Variants in ARK2N observed in about 807,000 individuals in gnomAD.
ARK2N encodes protein ARK2N.
the ARK2N span, among the ~76,000 whole-genome samples, chr18:46,210,934 C>G: frequency 6.7e-6 from 1 of 149,814 alleles, no homozygotes; most frequent in Non-Finnish European, 1.5e-5. Flanking sequence ...AAAGAACTCA[C>G]GTTGGTGGAT....
At chr18:46,216,567 C>T in the ARK2N span, 2 of 1,613,534 alleles carry the variant, frequency 1.2e-6, no homozygotes, top group South Asian at 1.1e-5. This position sits in a 1 kb window ranked among gnomAD's most constrained non-coding sequence, Gnocchi z 4.3. Flanking sequence ...TTTCAGGGAG[C>T]AGCAAGACAA....
chr18:46,206,749 C>T, the ARK2N span, among the ~76,000 whole-genome samples: 1 of 151,980 alleles, frequency 6.6e-6, no homozygotes, highest in Non-Finnish European at 1.5e-5. Flanking sequence ...TCTCTTCATT[C>T]TCCTCCTCTC....
the ARK2N span, among the ~76,000 whole-genome samples, chr18:46,228,456 T>C: frequency 6.6e-6 from 1 of 152,240 alleles, no homozygotes; most frequent in Non-Finnish European, 1.5e-5. Flanking sequence ...AGACAACTTA[T>C]TGCTAGTATT....
chr18:46,234,983 C>G, the ARK2N span, among the ~76,000 whole-genome samples: 1 of 152,014 alleles, frequency 6.6e-6, no homozygotes, highest in Non-Finnish European at 1.5e-5. Flanking sequence ...ATGTATTTGT[C>G]CATTGCCCCA....
chr18:46,199,990 C>T, the ARK2N span, among the ~76,000 whole-genome samples: 3 of 152,144 alleles, frequency 2.0e-5, no homozygotes, highest in South Asian at 4.1e-4. Flanking sequence ...CCACATCCAT[C>T]TTTCTGTCTC....
At chr18:46,241,491 G>A in the ARK2N span, among the ~76,000 whole-genome samples, 11 of 152,302 alleles carry the variant, frequency 7.2e-5, no homozygotes, top group African/African-American at 2.4e-4. Context: ...GGAGGCCGAC[G>A]TGGGAGGATC....
At chr18:46,233,667 C>G in the ARK2N span, among the ~76,000 whole-genome samples, 1 of 152,072 alleles carries the variant, frequency 6.6e-6, no homozygotes, top group African/African-American at 2.4e-5. Flanking sequence ...AAATGGTAAA[C>G]CCTTCATGAA....
the ARK2N span, among the ~76,000 whole-genome samples, chr18:46,177,977 G>A: frequency 1.3e-5 from 2 of 152,230 alleles, no homozygotes; most frequent in African/African-American, 2.4e-5. Flanking sequence ...TGTGCCAGCA[G>A]TGCTCTAGTT....
At chr18:46,219,742 T>A in the ARK2N span, among the ~76,000 whole-genome samples, 1 of 152,200 alleles carries the variant, frequency 6.6e-6, no homozygotes, top group African/African-American at 2.4e-5. Flanking sequence ...GTGCTGTGAT[T>A]ACAGGTGTGA....
chr18:46,231,135 A>G, the ARK2N span, among the ~76,000 whole-genome samples: 1 of 152,256 alleles, frequency 6.6e-6, no homozygotes, highest in South Asian at 2.1e-4. Flanking sequence ...ATTTTAATTT[A>G]GAGCCCAACA....
At chr18:46,230,073 C>T in the ARK2N span, among the ~76,000 whole-genome samples, 2 of 151,964 alleles carry the variant, frequency 1.3e-5, no homozygotes, top group African/African-American at 4.8e-5. Flanking sequence ...TTACAGGTGC[C>T]CACAACTGGC....
chr18:46,243,700 G>T, the ARK2N span, among the ~76,000 whole-genome samples: 2 of 152,154 alleles, frequency 1.3e-5, no homozygotes, highest in African/African-American at 4.8e-5. Context: ...ACACTGTAGT[G>T]GGTGATTTTG....
chr18:46,214,916 A>G, the ARK2N span, among the ~76,000 whole-genome samples: 1 of 152,226 alleles, frequency 6.6e-6, no homozygotes, highest in African/African-American at 2.4e-5. Context: ...ATGCTTCACT[A>G]GAGCAACTCC....
At chr18:46,210,910 T>TAAA in the ARK2N span, among the ~76,000 whole-genome samples, 899 of 133,796 alleles carry the variant, frequency 6.7e-3, 7 homozygotes, top group African/African-American at 0.023. Flanking sequence ...GACCCTGTCT[T>TAAA]AAAAAAAAAA....
chr18:46,218,106 A>G, the ARK2N span: 1 of 152,190 alleles, frequency 6.6e-6, no homozygotes, highest in Non-Finnish European at 1.5e-5. Context: ...GTGGAAAGGA[A>G]GAAGGTGGGT....
the ARK2N span, among the ~76,000 whole-genome samples, chr18:46,248,808 C>T: frequency 1.3e-5 from 2 of 152,166 alleles, no homozygotes; most frequent in African/African-American, 2.4e-5. Context: ...TGGTCTCCAT[C>T]TCTTGACCTC....
chr18:46,208,464 C>CTTTTT, the ARK2N span, among the ~76,000 whole-genome samples: 51 of 68,370 alleles, frequency 7.5e-4, no homozygotes, highest in African/African-American at 1.2e-3. Flanking sequence ...GTTCTTAAAT[C>CTTTTT]TTTTTTTTTT....
chr18:46,182,704 T>G, the ARK2N span, among the ~76,000 whole-genome samples: 43 of 105,640 alleles, frequency 4.1e-4, no homozygotes, highest in South Asian at 1.0e-3. Context: ...TTTTTTTTTT[T>G]GCATTTGATA....
the ARK2N span, among the ~76,000 whole-genome samples, chr18:46,259,056 A>G: frequency 6.6e-6 from 1 of 152,136 alleles, no homozygotes; most frequent in Non-Finnish European, 1.5e-5. Context: ...TTCTGTCCTC[A>G]TCCATCTCCT....
Sources: allele counts gnomAD v4.1 joint callset (sites outside exome capture counted in the v4.1 genomes callset), GRCh38; gene constraint gnomAD v4.1.1; non-coding constraint Gnocchi (gnomAD v3.1); transcripts MANE v1.5; gene names NCBI Gene and HGNC (gene_info 2026-07-23, HGNC 2026-07-21).